The following ADSL variants were observed in gnomAD, a reference collection of about 807,000 sequenced individuals.
ADSL encodes the protein adenylosuccinase.
A neutral mutation model predicts 62.1 loss-of-function variants in ADSL; 44 were observed. That is an observed-to-expected ratio of 0.71 (90% CI 0.56 to 0.91). The LOEUF (loss-of-function observed/expected upper bound fraction) is 0.91. Ranked by LOEUF, ADSL falls within the 40% of genes least tolerant of loss-of-function variation. The pLI is 0.00. For missense variants in ADSL, 531 were observed against 627.4 expected (o/e 0.85, Z 1.64); for synonymous variants, 198 against 220.5 (o/e 0.90, Z 0.90).
chr22:40,356,383 C>T (rs943420697), intron 4 of ADSL, among the ~76,000 whole-genome samples: 13 of 150,912 alleles, frequency 8.6e-5, no homozygotes, highest in African/African-American at 3.2e-4. Context: ...AAAAATAACA[C>T]AAATAGCTGG....
At chr22:40,355,286 G>A (rs1461743314) in intron 4 of ADSL, among the ~76,000 whole-genome samples, 1 of 152,066 alleles carries the variant, frequency 6.6e-6, no homozygotes, top group Non-Finnish European at 1.5e-5. Flanking sequence ...GGGACTACAG[G>A]CGCCTACCAC....
chr22:40,376,872 G>A (rs1023783011), intron 2 of ADSL, among the ~76,000 whole-genome samples: 4 of 152,008 alleles, frequency 2.6e-5, no homozygotes, highest in Admixed American at 6.6e-5. Flanking sequence ...AAGCATTTAC[G>A]GTATTAAGTA....
intron 9 of ADSL, among the ~76,000 whole-genome samples, chr22:40,362,769 C>T (rs1238726050): frequency 3.3e-5 from 5 of 152,078 alleles, no homozygotes; most frequent in Non-Finnish European, 7.4e-5. Flanking sequence ...ACCAGGTGGA[C>T]GTCTCACTCA....
chr22:40,349,394 A>C (rs1601550543), intron 1 of ADSL, among the ~76,000 whole-genome samples: 1 of 129,764 alleles, frequency 7.7e-6, no homozygotes, highest in Admixed American at 8.1e-5. Flanking sequence ...TTTTTTTTGG[A>C]GACAGAGGCT....
At chr22:40,372,122 C>CTTTTTTTTT (rs58396730), downstream of ADSL, among the ~76,000 whole-genome samples, 1 of 65,200 alleles carries the variant, frequency 1.5e-5, no homozygotes, top group Non-Finnish European at 2.7e-5. Context: ...TCCCCCCCCC[C>CTTTTTTTTT]TTTTTTTTTT....
chr22:40,361,504 A>C lies in ADSL; in HGVS notation c.879A>C (p.Pro293=), dbSNP rs758359453. The C allele has an allele frequency of 1.2e-6, 2 of 1,614,072 alleles. No individual in the cohort carries two copies. The highest frequency in any genetic ancestry group is 1.7e-6 in the Non-Finnish European group (2 of 1,180,052). The change falls in exon 9 of 13, where the codon CCA becomes CCC. Residue 293 remains proline (P), a synonymous_variant. Coordinates refer to ENST00000623063, the MANE Select transcript of ADSL (RefSeq NM_000026.4). ...CATGGGCAGGCTCAAGTGCGATGCC[A>C]TATAAGCGGAATCCCATGCGTTCAG... The part of the protein sequence containing the change: ...EKQQIGSSAM[P]YKRNPMRSER...
In ADSL at chr22:40,346,726, G is replaced by C. The variant is rs1307017002; in HGVS notation, c.153+15G>C. On this transcript the variant is annotated intron_variant, in intron 1 of 12. Coordinates refer to ENST00000623063, the MANE Select transcript of ADSL (RefSeq NM_000026.4). The stretch of plus-strand genomic sequence containing the variant: ...AGGCCGAGCAGGTAACGGATCCCGG[G>C]CTGAGGGGCTGGGCCGGGAGGGACG... The C allele has an allele frequency of 6.3e-7, 1 of 1,593,942 alleles. No homozygotes were observed. Among genetic ancestry groups the C allele is most frequent in the South Asian group, 1.1e-5 (1 of 88,938 alleles).
chr22:40,350,111 T>C (rs751528298), intron 2 of ADSL, 76 bp downstream of exon 2: 2 of 1,430,196 alleles, frequency 1.4e-6, no homozygotes, highest in Admixed American at 1.8e-5. Context: ...TGTTGTCCAG[T>C]TGAGGAAGTG....
intron 1 of ADSL, 67 bp from the exon 2 acceptor site, chr22:40,349,765 T>G: frequency 7.0e-7 from 1 of 1,424,030 alleles, no homozygotes; most frequent in Non-Finnish European, 9.8e-7. Flanking sequence ...TTTTTTTTCC[T>G]TGGTGTCACT....
rs969887949 is a variant in ADSL, at chr22:40,368,514, T to G, written c.*1992T>G. ...AGAGCTTATCCTTTTGGAAAAACAA[T>G]AGAAGACAATTCTGAAAACCAAATT... is the stretch of plus-strand genomic sequence containing the variant. On this transcript the variant is annotated 3_prime_UTR_variant, in exon 13 of 13. Coordinates refer to ENST00000623063, the MANE Select transcript of ADSL (RefSeq NM_000026.4). The G allele has an allele frequency of 5.9e-5, 9 of 152,058 alleles. No individual in the cohort carries two copies. Among genetic ancestry groups the G allele is most frequent in the African/African-American group, 2.2e-4 (9 of 41,402 alleles). 9.4% of individuals were successfully genotyped at this position (152,058 alleles called of 1,614,324 possible).
At chr22:40,379,866 C>T (rs1369452544) in intron 2 of ADSL, among the ~76,000 whole-genome samples, 3 of 152,092 alleles carry the variant, frequency 2.0e-5, no homozygotes, top group Non-Finnish European at 2.9e-5. Flanking sequence ...TGCACCACCA[C>T]GCCCAGCTAA....
intron 9 of ADSL, 123 bp downstream of exon 9, chr22:40,361,758 A>G: frequency 7.6e-7 from 1 of 1,310,334 alleles, no homozygotes; most frequent in South Asian, 1.2e-5. Context: ...CCCAGAGTCT[A>G]GCAGGGAGGC....
intron 12 of ADSL, among the ~76,000 whole-genome samples, chr22:40,365,626 T>C (rs746031033): frequency 2.6e-5 from 4 of 152,016 alleles, no homozygotes; most frequent in Non-Finnish European, 5.9e-5. Flanking sequence ...TCCTAGCATT[T>C]TGGGAGGCCG....
At chr22:40,361,467 G>A in intron 8 of ADSL, 21 bp from the exon 9 acceptor site, 1 of 1,614,162 alleles carries the variant, frequency 6.2e-7, no homozygotes, top group Non-Finnish European at 8.5e-7. Flanking sequence ...TTTGCATCTT[G>A]TCCTTTTTTT....
intron 2 of ADSL, among the ~76,000 whole-genome samples, chr22:40,378,704 G>C (rs973826576): frequency 1.3e-5 from 2 of 152,034 alleles, no homozygotes; most frequent in Admixed American, 1.3e-4. Context: ...CAGCCTGGGT[G>C]ACAGAGCGAG....
chr22:40,357,590 T>G (rs1184921556), intron 4 of ADSL, among the ~76,000 whole-genome samples: 2 of 152,124 alleles, frequency 1.3e-5, no homozygotes, highest in Non-Finnish European at 2.9e-5. Flanking sequence ...AGCCATTAGC[T>G]GCTGTGTTTG....
chr22:40,358,544 A>G (rs1237152559), intron 4 of ADSL, among the ~76,000 whole-genome samples: 1 of 152,222 alleles, frequency 6.6e-6, no homozygotes, highest in Non-Finnish European at 1.5e-5. Flanking sequence ...TGTTCATGCC[A>G]CTGCACTTCA....
chr22:40,355,254 C>T (rs909007678), intron 4 of ADSL, among the ~76,000 whole-genome samples: 2 of 152,018 alleles, frequency 1.3e-5, no homozygotes, highest in Admixed American at 6.6e-5. Context: ...ATGATTCTCC[C>T]GCCTCAGCCT....
downstream of ADSL, chr22:40,373,439 A>C (rs2045951403): frequency 6.6e-6 from 1 of 151,776 alleles, no homozygotes; most frequent in African/African-American, 2.4e-5. Context: ...TGTTGAAACT[A>C]CTCTCATGAA....
Sources: allele counts gnomAD v4.1 joint callset (sites outside exome capture counted in the v4.1 genomes callset), GRCh38; gene constraint gnomAD v4.1.1; transcripts MANE v1.5; gene names NCBI Gene and HGNC (gene_info 2026-07-23, HGNC 2026-07-21).